The following UBASH3B variants were observed in gnomAD, a reference collection of about 807,000 sequenced individuals.
UBASH3B encodes the protein ubiquitin associated and SH3 domain containing B.
Under a neutral mutation model 83.4 loss-of-function variants are expected in UBASH3B, and 37 were observed. That is an observed-to-expected ratio of 0.44 (90% CI 0.34 to 0.58). The LOEUF is 0.58. Ranked by LOEUF, UBASH3B falls within the 20% of genes least tolerant of loss-of-function variation. The pLI is 0.01. For missense variants in UBASH3B, 657 were observed against 827.2 expected (o/e 0.79, Z 2.52); for synonymous variants, 304 against 318.3 (o/e 0.96, Z 0.48).
intron 1 of UBASH3B, among the ~76,000 whole-genome samples, chr11:122,755,339 T>C (rs1033650307): frequency 6.6e-6 from 1 of 152,164 alleles, no homozygotes. Flanking sequence ...GTAACCCACA[T>C]AGCAGTTGGC....
In UBASH3B at chr11:122,797,050, G is replaced by A; in HGVS notation, c.1357+17G>A. Reference sequence around the variant, plus strand: ...GACTAGTGGGTAAGTATCCTGGAGTGACTGCACTCCAGGCATTTCTTGCCT... The same window carrying A: ...GACTAGTGGGTAAGTATCCTGGAGTAACTGCACTCCAGGCATTTCTTGCCT... On this transcript the variant is annotated intron_variant, in intron 9 of 13. Transcript: ENST00000284273. The A allele has an allele frequency of 1.9e-6, 3 of 1,579,498 alleles. No individual in the cohort carries two copies. Among genetic ancestry groups the A allele is most frequent in the Non-Finnish European group, 2.6e-6 (3 of 1,163,376 alleles).
chr11:122,703,429 A>AC (rs1247779853), intron 1 of UBASH3B, among the ~76,000 whole-genome samples: 2 of 151,836 alleles, frequency 1.3e-5, no homozygotes, highest in African/African-American at 2.4e-5. Flanking sequence ...TCCGTCTCAA[A>AC]AAAAAAAAAG....
intron 1 of UBASH3B, among the ~76,000 whole-genome samples, chr11:122,724,552 G>A (rs568542530): frequency 6.8e-6 from 1 of 146,684 alleles, no homozygotes; most frequent in South Asian, 2.2e-4. Context: ...AAAATCAGAG[G>A]ACTGCGGGGA....
chr11:122,769,175 T>C (rs1281537993), intron 1 of UBASH3B, among the ~76,000 whole-genome samples: 1 of 152,126 alleles, frequency 6.6e-6, no homozygotes, highest in African/African-American at 2.4e-5. Context: ...CTTCCACTCA[T>C]GACAGAAGGC....
intron 10 of UBASH3B, among the ~76,000 whole-genome samples, chr11:122,799,289 G>A (rs1033458299): frequency 6.6e-6 from 1 of 152,092 alleles, no homozygotes; most frequent in Non-Finnish European, 1.5e-5. Context: ...TCAGGAGTTC[G>A]AGACCAGCCT....
chr11:122,705,454 T>TAAAAAAAAAAAAAAAAAA (rs60998227), intron 1 of UBASH3B, among the ~76,000 whole-genome samples: 1 of 59,544 alleles, frequency 1.7e-5, no homozygotes, highest in Admixed American at 1.9e-4. Context: ...TCGAAAAACA[T>TAAAAAAAAAAAAAAAAAA]AAAAAAAAAA....
chr11:122,658,246 T>C (rs537677877), intron 1 of UBASH3B, among the ~76,000 whole-genome samples: 23 of 151,134 alleles, frequency 1.5e-4, no homozygotes, highest in East Asian at 5.9e-4. Flanking sequence ...AGAATTAGCA[T>C]AGTCTCAGGC....
intron 1 of UBASH3B, among the ~76,000 whole-genome samples, chr11:122,674,815 G>A (rs748626497): frequency 5.7e-5 from 8 of 141,042 alleles, no homozygotes; most frequent in South Asian, 4.5e-4. Flanking sequence ...TGCAACCTCC[G>A]CCTTTTGGGT....
At chr11:122,665,975 T>C (rs1863510227) in intron 1 of UBASH3B, among the ~76,000 whole-genome samples, 1 of 152,180 alleles carries the variant, frequency 6.6e-6, no homozygotes, top group African/African-American at 2.4e-5. Context: ...AGCATAAACA[T>C]TCTTGTACAT....
At chr11:122,734,340 C>T (rs556421347) in intron 1 of UBASH3B, among the ~76,000 whole-genome samples, 30 of 152,274 alleles carry the variant, frequency 2.0e-4, no homozygotes, top group African/African-American at 7.0e-4. Context: ...CATGGCTGAG[C>T]CTGAGGAAAG....
chr11:122,734,964 A>T (rs1040816606), intron 1 of UBASH3B, among the ~76,000 whole-genome samples: 3 of 151,948 alleles, frequency 2.0e-5, no homozygotes, highest in Non-Finnish European at 4.4e-5. Flanking sequence ...TTCCTAGCAA[A>T]CTTTATATAA....
chr11:122,671,971 C>T (rs1030478288), intron 1 of UBASH3B, among the ~76,000 whole-genome samples: 11 of 151,884 alleles, frequency 7.2e-5, no homozygotes, highest in Admixed American at 6.6e-5. Flanking sequence ...GGGCACCAGC[C>T]GCTGCCCCAG....
intron 10 of UBASH3B, 30 bp downstream of exon 10, chr11:122,799,064 A>G (rs1234989150): frequency 2.5e-6 from 4 of 1,571,250 alleles, no homozygotes; most frequent in Admixed American, 1.7e-5. Context: ...AAAAACAAGT[A>G]GTCCATCCCT....
chr11:122,667,785 G>A (rs1318620047), intron 1 of UBASH3B, among the ~76,000 whole-genome samples: 1 of 152,200 alleles, frequency 6.6e-6, no homozygotes, highest in African/African-American at 2.4e-5. Flanking sequence ...GGAATTGCTA[G>A]TAGGGCTCAT....
chr11:122,671,114 G>A (rs909389242), intron 1 of UBASH3B, among the ~76,000 whole-genome samples: 2 of 152,194 alleles, frequency 1.3e-5, no homozygotes. Context: ...GTTCTGAGGA[G>A]GGGAACAGAG....
chr11:122,770,548 AAAG>A (rs1353551936), intron 1 of UBASH3B, among the ~76,000 whole-genome samples: 1 of 151,814 alleles, frequency 6.6e-6, no homozygotes, highest in Non-Finnish European at 1.5e-5. Flanking sequence ...AGATGGCCCA[AAAG>A]AAGTGTCTGG....
chr11:122,809,823 C>T lies in UBASH3B; in HGVS notation c.1887C>T (p.Ile629=). 6.2e-7 allele frequency: 1 copy of T among 1,614,170 alleles called. No homozygotes were observed. Among genetic ancestry groups the T allele is most frequent in the Non-Finnish European group, 8.5e-7 (1 of 1,180,024 alleles). ...TGIWQLTDPP[I]LPLTHGPTGG... Reference sequence around the variant, plus strand: ...TATGGCAGCTGACAGATCCACCAATCCTTCCTCTTACCCATGGACCAACTG... The same window carrying T: ...TATGGCAGCTGACAGATCCACCAATTCTTCCTCTTACCCATGGACCAACTG... Residue 629 remains isoleucine (I), a synonymous_variant, in exon 14 of 14, where the codon ATC becomes ATT. Coordinates refer to ENST00000284273, the MANE Select transcript of UBASH3B (RefSeq NM_032873.5).
chr11:122,701,276 T>C (rs371899346), intron 1 of UBASH3B, among the ~76,000 whole-genome samples: 1 of 152,234 alleles, frequency 6.6e-6, no homozygotes, highest in African/African-American at 2.4e-5. Flanking sequence ...TCTAATTGGG[T>C]CTTCTTATTG....
chr11:122,809,591 T>G (rs1367405640), intron 13 of UBASH3B, among the ~76,000 whole-genome samples, 158 bp from the exon 14 acceptor site: 5 of 152,240 alleles, frequency 3.3e-5, no homozygotes, highest in African/African-American at 1.2e-4. Flanking sequence ...CCATTTTATT[T>G]TATTTATCGA....
Sources: allele counts gnomAD v4.1 joint callset (sites outside exome capture counted in the v4.1 genomes callset), GRCh38; gene constraint gnomAD v4.1.1; transcripts MANE v1.5; gene names NCBI Gene and HGNC (gene_info 2026-07-23, HGNC 2026-07-21).